Variants in CCND3 observed in about 807,000 individuals in gnomAD.
CCND3 encodes G1/S-specific cyclin-D3.
In CCND3, 9 loss-of-function variants were observed where a neutral mutation model predicts 28.7. That is an observed-to-expected ratio of 0.31 (90% CI 0.19 to 0.55). The LOEUF is 0.55. Ranked by LOEUF, CCND3 falls within the 20% of genes least tolerant of loss-of-function variation. The pLI, the probability that CCND3 is intolerant of heterozygous loss-of-function variation, is 0.93. For synonymous variants in CCND3, 164 were observed against 163.9 expected (o/e 1.00, Z 0.00); for missense variants, 315 against 385.8 (o/e 0.82, Z 1.54).
At chr6:41,961,880 C>G (rs540317591) in intron 1 of CCND3, among the ~76,000 whole-genome samples, 1 of 152,264 alleles carries the variant, frequency 6.6e-6, no homozygotes, top group African/African-American at 2.4e-5. Flanking sequence ...GTCACCCAAG[C>G]TGAAAATGCT....
At chr6:41,988,821 C>T (rs966767478) in intron 1 of CCND3, among the ~76,000 whole-genome samples, 23 of 150,782 alleles carry the variant, frequency 1.5e-4, no homozygotes, top group Non-Finnish European at 1.2e-4. Flanking sequence ...GCCTGAGGCT[C>T]CCGAATAGCT....
chr6:42,005,259 G>A (rs1234936611), intron 1 of CCND3, among the ~76,000 whole-genome samples: 1 of 151,934 alleles, frequency 6.6e-6, no homozygotes, highest in Non-Finnish European at 1.5e-5. Context: ...AAAATTACTG[G>A]GGCGAGGTGT....
At chr6:41,999,574 T>A (rs1193686006) in intron 1 of CCND3, among the ~76,000 whole-genome samples, 2 of 152,240 alleles carry the variant, frequency 1.3e-5, no homozygotes, top group Middle Eastern at 3.4e-3. Flanking sequence ...TAAATTTCCA[T>A]CTCGCAAATA....
intron 1 of CCND3, among the ~76,000 whole-genome samples, chr6:41,951,541 GAC>G (rs1268678641): frequency 2.2e-4 from 17 of 78,052 alleles, no homozygotes; most frequent in Admixed American, 2.9e-4. Context: ...CAGCCTGAGC[GAC>G]ACACACACAC....
rs1554168156 is a variant in CCND3 at position 42,034,468 on chromosome 6, C to CTCTTTT, written c.-46+14032_-46+14033insAAAAGA. ...ACCGTGCCTGGCCAACCCTGTCACT[C>CTCTTTT]TTTTTTTTTTTTTTTTTTTTTTTTT... On this transcript the variant is annotated intron_variant, in intron 1 of 4. Coordinates refer to the CCND3 transcript ENST00000372988. 5.9e-5 allele frequency among the ~76,000 whole-genome samples: 3 copies of CTCTTTT among 50,978 alleles called. 1 individual carries two copies. Among genetic ancestry groups the CTCTTTT allele is most frequent in the Non-Finnish European group, 1.0e-4 (3 of 28,874 alleles). 33.4% of individuals were successfully genotyped at this position (50,978 alleles called of 152,430 possible).
chr6:41,978,142 A>AGAC (rs1459133114), intron 1 of CCND3, among the ~76,000 whole-genome samples: 1 of 151,972 alleles, frequency 6.6e-6, no homozygotes, highest in Non-Finnish European at 1.5e-5. Flanking sequence ...TGGGAGGCCG[A>AGAC]GACGGGTGGA....
At chr6:41,989,777 A>T (rs183280346) in intron 1 of CCND3, among the ~76,000 whole-genome samples, 178 of 152,338 alleles carry the variant, frequency 1.2e-3, no homozygotes, top group Non-Finnish European at 1.4e-3. Context: ...ACAGTTTCTT[A>T]TATGACTAAA....
At chr6:41,982,194 C>T (rs1361700995) in intron 1 of CCND3, among the ~76,000 whole-genome samples, 8 of 151,248 alleles carry the variant, frequency 5.3e-5, no homozygotes, top group Admixed American at 2.0e-4. Context: ...CGCTTGAGCC[C>T]GGGAGGCTGA....
intron 1 of CCND3, among the ~76,000 whole-genome samples, chr6:41,964,488 G>GAA (rs1761824110): frequency 7.9e-6 from 1 of 126,112 alleles, no homozygotes; most frequent in Non-Finnish European, 1.7e-5. Flanking sequence ...GTGTGTGAAT[G>GAA]TGTGTGTGTG....
At chr6:41,986,191 T>C (rs1186539435) in intron 1 of CCND3, among the ~76,000 whole-genome samples, 2 of 152,046 alleles carry the variant, frequency 1.3e-5, no homozygotes, top group Admixed American at 6.6e-5. Flanking sequence ...CTTTACAGTA[T>C]ATTTGGAATT....
At chr6:41,975,851 GT>G (rs199721846) in intron 1 of CCND3, among the ~76,000 whole-genome samples, 2 of 150,064 alleles carry the variant, frequency 1.3e-5, no homozygotes, top group African/African-American at 2.5e-5. Context: ...GTTTTTGTCT[GT>G]TTTTTTTGAG....
intron 1 of CCND3, among the ~76,000 whole-genome samples, chr6:41,968,178 T>C (rs1045505811): frequency 1.3e-5 from 2 of 152,156 alleles, no homozygotes; most frequent in Non-Finnish European, 2.9e-5. Context: ...ATCAATTCAA[T>C]GAATCACTGT....
At chr6:41,992,323 C>T (rs774722766) in intron 1 of CCND3, among the ~76,000 whole-genome samples, 28 of 151,894 alleles carry the variant, frequency 1.8e-4, no homozygotes, top group East Asian at 1.5e-3. Flanking sequence ...CCACCATGCC[C>T]GGCTAATTTT....
chr6:42,011,826 T>C (rs12530141), intron 1 of CCND3, among the ~76,000 whole-genome samples: 14,855 of 151,996 alleles, frequency 0.098, 1,412 homozygotes, highest in African/African-American at 0.23. Context: ...CGCTCACCGG[T>C]GCTGAGCTCC....
At chr6:41,940,281 G>C (rs1228034102) in intron 2 of CCND3, 89 bp downstream of exon 2, 1 of 1,176,310 alleles carries the variant, frequency 8.5e-7, no homozygotes, top group East Asian at 2.3e-5. Context: ...CTCTCCAGGG[G>C]GCAGAAAGCC....
At chr6:42,033,591 T>C (rs1031515873) in intron 1 of CCND3, among the ~76,000 whole-genome samples, 1 of 151,918 alleles carries the variant, frequency 6.6e-6, no homozygotes, top group African/African-American at 2.4e-5. Context: ...CTAACACCTG[T>C]AATCCCAGCA....
intron 1 of CCND3, among the ~76,000 whole-genome samples, chr6:42,000,878 T>A (rs867929050): frequency 6.7e-4 from 102 of 151,874 alleles, no homozygotes; most frequent in African/African-American, 2.4e-3. Context: ...AAACAAATCT[T>A]TAATGGAAAC....
chr6:42,019,414 G>A (rs569105143), intron 1 of CCND3, among the ~76,000 whole-genome samples: 4 of 151,138 alleles, frequency 2.6e-5, no homozygotes, highest in African/African-American at 4.9e-5. Flanking sequence ...GCTTGAACCC[G>A]GGAGATGGAG....
intron 1 of CCND3, among the ~76,000 whole-genome samples, chr6:42,011,946 A>G (rs933111045): frequency 6.6e-6 from 1 of 152,172 alleles, no homozygotes; most frequent in Non-Finnish European, 1.5e-5. Flanking sequence ...CCATGCCTGC[A>G]TTTCCTCATC....
Sources: gnomAD v4.1 joint callset for allele counts (sites outside exome capture counted in the v4.1 genomes callset) on GRCh38, gnomAD v4.1.1 for gene constraint, MANE v1.5 for transcripts, NCBI Gene and HGNC (gene_info 2026-07-23, HGNC 2026-07-21) for gene names.